Variants in MID1 observed in about 807,000 individuals in gnomAD.
MID1 encodes the protein E3 ubiquitin-protein ligase Midline-1.
Under a neutral mutation model 40.4 loss-of-function variants are expected in MID1, and 7 were observed. The observed-to-expected ratio is 0.17, with a 90% confidence interval of 0.10 to 0.33. MID1 has a LOEUF of 0.33. Ranked by LOEUF, MID1 falls within the 10% of genes least tolerant of loss-of-function variation. The pLI is 1.00. For missense variants in MID1, 367 were observed against 558.5 expected (o/e 0.66, Z 3.46); for synonymous variants, 229 against 221.2 (o/e 1.04, Z -0.31).
chrX:10,777,353 A>G (rs942216960), intron 1 of MID1, among the ~76,000 whole-genome samples: 1 of 89,125 alleles, frequency 1.1e-5, no homozygotes, highest in Non-Finnish European at 2.2e-5. Context: ...GCCCGCCACC[A>G]TGCCCGGCTA....
intron 1 of MID1, among the ~76,000 whole-genome samples, chrX:10,715,939 T>C (rs1029301568): frequency 4.5e-5 from 5 of 111,850 alleles, no homozygotes; most frequent in African/African-American, 1.6e-4. Flanking sequence ...AAACAGGATC[T>C]GGAGTGGACC....
At chrX:10,547,623 G>A (rs1933744966) in intron 2 of MID1, among the ~76,000 whole-genome samples, 4 of 86,400 alleles carry the variant, frequency 4.6e-5, no homozygotes, top group Admixed American at 1.3e-4. Flanking sequence ...GTAAAGAAAG[G>A]AAGAGAAAGA....
chrX:10,482,427 C>A, intron 5 of MID1, 53 bp downstream of exon 5: 2 of 1,166,267 alleles, frequency 1.7e-6, no homozygotes, highest in Admixed American at 2.2e-5. Flanking sequence ...CCAATCACAG[C>A]GCAGATACAA....
At chrX:10,762,017 C>T (rs188216803) in intron 1 of MID1, among the ~76,000 whole-genome samples, 29 of 111,596 alleles carry the variant, frequency 2.6e-4, no homozygotes, top group African/African-American at 8.8e-4. Flanking sequence ...GGGAAAATTC[C>T]CTTATCTTTC....
chrX:10,655,145 C>T (rs966076748), intron 1 of MID1, among the ~76,000 whole-genome samples: 1 of 111,563 alleles, frequency 9.0e-6, no homozygotes, highest in African/African-American at 3.3e-5. Context: ...GTAACATTTT[C>T]CAGTATGTGT....
At chrX:10,746,906 G>A (rs951776303) in intron 1 of MID1, among the ~76,000 whole-genome samples, 2 of 110,355 alleles carry the variant, frequency 1.8e-5, no homozygotes, top group African/African-American at 3.3e-5. Flanking sequence ...CTTCTCTAAT[G>A]AGAATTCCGA....
chrX:10,507,868 C>T (rs1931920837), intron 3 of MID1, among the ~76,000 whole-genome samples: 1 of 112,482 alleles, frequency 8.9e-6, no homozygotes, highest in Non-Finnish European at 1.9e-5. Context: ...CAAACTAAAC[C>T]TTCTATGCAG....
In MID1 at chrX:10,474,699, G is replaced by T; in HGVS notation, c.1065C>A (p.Leu355=). The change falls in exon 6 of 10, where the codon CTC becomes CTA. Residue 355 remains leucine, a synonymous_variant. Transcript: ENST00000317552. The part of the protein sequence containing the change: ...SSQVLIPEIN[L]NDTFDTFALD... ...AGGCAAAGGTGTCAAATGTGTCATT[G>T]AGGTTGATTTCAGGAATTAGAACCT... The T allele has an allele frequency of 8.3e-7, 1 of 1,207,833 alleles. No individual in the cohort carries two copies.
At chrX:10,598,264 G>T (rs182650178) in intron 1 of MID1, among the ~76,000 whole-genome samples, 5 of 112,048 alleles carry the variant, frequency 4.5e-5, no homozygotes, top group African/African-American at 6.5e-5. Context: ...ACAAAACTTC[G>T]CTTTGGCCCT....
chrX:10,682,806 G>A (rs991279971), intron 1 of MID1, among the ~76,000 whole-genome samples: 1 of 111,382 alleles, frequency 9.0e-6, no homozygotes, highest in Non-Finnish European at 1.9e-5. Flanking sequence ...CTAACTTCTC[G>A]TATAACAATA....
chrX:10,796,331 G>T (rs2043966665), intron 1 of MID1, among the ~76,000 whole-genome samples: 1 of 107,818 alleles, frequency 9.3e-6, no homozygotes, highest in African/African-American at 3.4e-5. Context: ...GTATTTTACG[G>T]TTATTGATTT....
intron 2 of MID1, among the ~76,000 whole-genome samples, chrX:10,562,631 A>G (rs1374717979): frequency 1.9e-5 from 2 of 104,682 alleles, no homozygotes; most frequent in Non-Finnish European, 3.8e-5. Context: ...AAAAATACAC[A>G]TATTTGTAAC....
chrX:10,497,616 G>T (rs975270052), intron 3 of MID1, among the ~76,000 whole-genome samples: 1 of 111,768 alleles, frequency 8.9e-6, no homozygotes. Context: ...ACTGGTCCAC[G>T]TGACATTGGG....
Position 10,730,610 on chromosome X carries a change from T to C in MID1, c.-187+102944A>G, listed in dbSNP as rs948439759. On this transcript the variant is annotated intron_variant, in intron 1 of 10. Coordinates refer to the MID1 transcript ENST00000380785. ...TTTCTGAGACGGAGTCTCGCTCTGT[T>C]GCCCAGGCTGGAGTGCAGTGGCACG... Among the ~76,000 whole-genome samples the C allele has an allele frequency of 6.8e-5, 7 of 103,273 alleles. No individual in the cohort carries two copies. In the Middle Eastern group the frequency reaches 0.014, roughly 211 times the overall value. 89.7% of individuals were successfully genotyped at this position (103,273 alleles called of 115,157 possible).
intron 1 of MID1, among the ~76,000 whole-genome samples, chrX:10,725,103 A>T (rs2043380910): frequency 8.9e-6 from 1 of 112,201 alleles, no homozygotes; most frequent in South Asian, 3.7e-4. Flanking sequence ...CAATTATGTC[A>T]TTGGAATACA....
intron 1 of MID1, among the ~76,000 whole-genome samples, chrX:10,746,928 G>A (rs2043562108): frequency 9.1e-6 from 1 of 110,467 alleles, no homozygotes; most frequent in African/African-American, 3.3e-5. Context: ...ACCTACAAAG[G>A]TAGTCACAAG....
intron 1 of MID1, among the ~76,000 whole-genome samples, chrX:10,689,316 T>C (rs1318044396): frequency 9.0e-6 from 1 of 111,063 alleles, no homozygotes; most frequent in Non-Finnish European, 1.9e-5. Flanking sequence ...TTATCACATG[T>C]TGGAGCAGGA....
At chrX:10,642,390 T>C (rs768650240) in intron 1 of MID1, among the ~76,000 whole-genome samples, 1 of 109,929 alleles carries the variant, frequency 9.1e-6, no homozygotes, top group African/African-American at 3.4e-5. Flanking sequence ...GAGAGCCAAA[T>C]CATGAGTGAA....
At chrX:10,621,123 C>T (rs1401285920), upstream of MID1, among the ~76,000 whole-genome samples, 1 of 111,454 alleles carries the variant, frequency 9.0e-6, no homozygotes, top group East Asian at 2.8e-4. Flanking sequence ...TGAAATGCAG[C>T]AAATGAACAA....
Sources: allele counts gnomAD v4.1 joint callset (sites outside exome capture counted in the v4.1 genomes callset), GRCh38; gene constraint gnomAD v4.1.1; transcripts MANE v1.5; gene names NCBI Gene and HGNC (gene_info 2026-07-23, HGNC 2026-07-21).